The following P2RY14 variants were observed in gnomAD, a reference collection of about 807,000 sequenced individuals.
The protein encoded by P2RY14 is purinergic receptor P2Y14, also known as P2Y purinoceptor 14.
P2RY14 carries 2 observed loss-of-function variants against 0.9 expected under a neutral mutation model. That is an observed-to-expected ratio of 2.16 (90% CI 0.88 to 6.79). The LOEUF (loss-of-function observed/expected upper bound fraction) is 6.79. P2RY14 is among the 30% of genes most tolerant of loss of function. The pLI, the probability that P2RY14 is intolerant of heterozygous loss-of-function variation, is 0.05. For missense variants in P2RY14, 378 were observed against 400.1 expected (o/e 0.94, Z 0.47); for synonymous variants, 158 against 147.2 (o/e 1.07, Z -0.53).
intron 1 of P2RY14, among the ~76,000 whole-genome samples, chr3:151,260,068 G>A (rs1444501235): frequency 1.3e-5 from 2 of 152,176 alleles, no homozygotes; most frequent in African/African-American, 4.8e-5. Context: ...TCAGCTCACT[G>A]CTGGGGATAT....
At chr3:151,242,722 A>G (rs1169425356) in intron 1 of P2RY14, among the ~76,000 whole-genome samples, 1 of 152,354 alleles carries the variant, frequency 6.6e-6, no homozygotes, top group South Asian at 2.1e-4. Context: ...TCCTCCTCCA[A>G]AGGAACGCAG....
rs762344753 is a variant in P2RY14 at position 151,214,045 on chromosome 3, A to T, written c.272T>A (p.Val91Glu). Residue 91 changes from valine to glutamate, a missense_variant, in exon 3 of 3, where the codon GTG becomes GAG. Transcript: ENST00000309170. ...DSGLGPWQLN[V>E]FVCRVSAVLF... ...CACGGCAGAGACCCTGCACACAAAC[A>T]CGTTCAGCTGCCAGGGACCAAGGCC... 4 of 1,614,164 alleles carry T rather than the reference A, an allele frequency of 2.5e-6. No individual in the cohort carries two copies. The South Asian group carries it at 4.4e-5, about 18-fold the overall frequency.
intron 1 of P2RY14, among the ~76,000 whole-genome samples, chr3:151,241,411 G>A (rs1734049447): frequency 6.6e-6 from 1 of 152,012 alleles, no homozygotes; most frequent in South Asian, 2.1e-4. Context: ...TTTCTCCTCA[G>A]GCTATCTTGA....
rs555567717 is a variant in P2RY14, at chr3:151,249,763, A to G, written c.-133+28524T>C. Among the ~76,000 whole-genome samples the G allele has an allele frequency of 2.0e-5, 3 of 152,220 alleles. No homozygotes were observed. In the East Asian group the frequency reaches 5.8e-4, roughly 29 times the overall value. ...TGTCCTGGGTTGTTACTTGATCCCA[A>G]TGCCTGGATATTTCCTTCTTTAACA... On this transcript the variant is annotated intron_variant, in intron 1 of 2. Transcript: ENST00000309170.
chr3:151,262,968 A>G (rs2904430), intron 1 of P2RY14, among the ~76,000 whole-genome samples: 71,029 of 151,974 alleles, frequency 0.47, 16,718 homozygotes, highest in Middle Eastern at 0.65. Context: ...GGGAAGCCGT[A>G]GTTCTCTAGG....
At chr3:151,241,969 A>AG (rs1034301822) in intron 1 of P2RY14, 7 of 152,794 alleles carry the variant, frequency 4.6e-5, no homozygotes, top group African/African-American at 1.7e-4. Flanking sequence ...GGGAAGCACA[A>AG]GGGGTCAGGG....
At chr3:151,273,402 ATT>A (rs531443713) in intron 1 of P2RY14, among the ~76,000 whole-genome samples, 5 of 113,618 alleles carry the variant, frequency 4.4e-5, no homozygotes, top group Non-Finnish European at 3.5e-5. Flanking sequence ...TAATTTTTGT[ATT>A]TTTTTTTTTT....
Position 151,212,129 on chromosome 3 carries a change from A to C in P2RY14, c.*1171T>G, listed in dbSNP as rs1161818727. On this transcript the variant is annotated 3_prime_UTR_variant, in exon 3 of 3. Coordinates refer to ENST00000309170, the MANE Select transcript of P2RY14 (RefSeq NM_014879.4). ...AAGAAAAAATAGACAGTATTAAAAC[A>C]TTTCTTTATTAGTATATAGACAGTA... 2 of 152,244 alleles carry C rather than the reference A, an allele frequency of 1.3e-5. No homozygotes were observed. The highest frequency in any genetic ancestry group is 4.8e-5 in the African/African-American group (2 of 41,464). The allele number at this position is 152,244 out of a possible 1,614,324, so 9.4% of individuals were successfully genotyped here.
chr3:151,264,415 A>G (rs890851746), intron 1 of P2RY14, among the ~76,000 whole-genome samples: 1 of 152,268 alleles, frequency 6.6e-6, no homozygotes, highest in African/African-American at 2.4e-5. Flanking sequence ...TTAGGAAAGA[A>G]GAAACTGCTT....
intron 1 of P2RY14, among the ~76,000 whole-genome samples, chr3:151,270,490 C>T (rs565673295): frequency 3.9e-5 from 6 of 152,184 alleles, no homozygotes; most frequent in Admixed American, 1.3e-4. Flanking sequence ...TGGTGCTAAG[C>T]CCCTGTGTAT....
At chr3:151,267,148 GAACTATC>G (rs1470454642) in intron 1 of P2RY14, among the ~76,000 whole-genome samples, 109 of 152,208 alleles carry the variant, frequency 7.2e-4, no homozygotes, top group African/African-American at 2.6e-3. Flanking sequence ...CTGTTTACAG[GAACTATC>G]AACTAAACAC....
chr3:151,239,437 G>C (rs1306470997), intron 1 of P2RY14, among the ~76,000 whole-genome samples: 1 of 152,186 alleles, frequency 6.6e-6, no homozygotes, highest in Non-Finnish European at 1.5e-5. Context: ...TTTTGCAAGA[G>C]ATTGGACATG....
At chr3:151,230,464 A>AT (rs1731431301) in intron 1 of P2RY14, among the ~76,000 whole-genome samples, 1 of 152,184 alleles carries the variant, frequency 6.6e-6, no homozygotes, top group African/African-American at 2.4e-5. Context: ...ATGTAAAAAA[A>AT]TTCTGATAAA....
intron 1 of P2RY14, among the ~76,000 whole-genome samples, chr3:151,224,351 A>G (rs1236483566): frequency 6.6e-6 from 1 of 152,210 alleles, no homozygotes; most frequent in East Asian, 1.9e-4. Flanking sequence ...GTATCAATAG[A>G]AAATAGTATA....
At position 151,213,906 on chromosome 3, in the gene P2RY14, G is replaced by C; in HGVS notation, c.411C>G (p.Tyr137Ter). 6.2e-7 allele frequency: 1 copy of C among 1,614,104 alleles called. No individual in the cohort carries two copies. Among genetic ancestry groups the C allele is most frequent in the Non-Finnish European group, 8.5e-7 (1 of 1,179,974 alleles). ...ATACTATCACTGACAGAAGTTTGCTGTAACTCACTGACTGGATGAAAGAAG... is the reference window on the plus strand; with the variant it reads ...ATACTATCACTGACAGAAGTTTGCTCTAACTCACTGACTGGATGAAAGAAG... ...LWTSFIQSVS[Y>*]SKLLSVIVWM... is the part of the protein sequence containing the mutation. The change falls in exon 3 of 3, where the codon TAC becomes TAG. Residue 137 changes from tyrosine (Y) to a stop codon, truncating the protein, a stop_gained. Coordinates refer to ENST00000309170, the MANE Select transcript of P2RY14 (RefSeq NM_014879.4). LOFTEE classifies it low-confidence loss of function (END_TRUNC).
intron 1 of P2RY14, among the ~76,000 whole-genome samples, chr3:151,227,047 A>G (rs770656775): frequency 4.8e-4 from 73 of 152,190 alleles, no homozygotes; most frequent in Admixed American, 3.7e-3. Context: ...TTTCTCTGGC[A>G]GGAGATGTGA....
At chr3:151,239,687 T>G (rs1733682575) in intron 1 of P2RY14, among the ~76,000 whole-genome samples, 1 of 152,156 alleles carries the variant, frequency 6.6e-6, no homozygotes, top group South Asian at 2.1e-4. Flanking sequence ...TTTTTAAGAG[T>G]AAAAGGGATC....
chr3:151,238,047 A>G (rs1445016954), intron 1 of P2RY14, among the ~76,000 whole-genome samples: 1 of 152,204 alleles, frequency 6.6e-6, no homozygotes, highest in Non-Finnish European at 1.5e-5. Flanking sequence ...AATTTTAAGG[A>G]TCAAATTATC....
chr3:151,213,743 C>G lies in P2RY14; in HGVS notation c.574G>C (p.Val192Leu), dbSNP rs759701613. The G allele has an allele frequency of 1.2e-6, 2 of 1,613,980 alleles. No individual in the cohort carries two copies. The highest frequency in any genetic ancestry group is 1.7e-6 in the Non-Finnish European group (2 of 1,180,020). ...AGAAACACAATCCAGAAGATGGCCACGAAGATGTAGTTTGATGCTTTGTGC... is the reference window on the plus strand; with the variant it reads ...AGAAACACAATCCAGAAGATGGCCAGGAAGATGTAGTTTGATGCTTTGTGC... Reference protein sequence around the residue: ...KWHKASNYIFVAIFWIVFLLL... With the variant: ...KWHKASNYIFLAIFWIVFLLL... The change falls in exon 3 of 3, where the codon GTG (valine) becomes CTG (leucine). Residue 192 changes from valine to leucine, a missense_variant. Coordinates refer to ENST00000309170, the MANE Select transcript of P2RY14 (RefSeq NM_014879.4).
Sources: allele counts gnomAD v4.1 joint callset (sites outside exome capture counted in the v4.1 genomes callset), GRCh38; gene constraint gnomAD v4.1.1; transcripts MANE v1.5; gene names NCBI Gene and HGNC (gene_info 2026-07-23, HGNC 2026-07-21).